RIGI: variants seen among roughly 807,000 people sequenced by gnomAD.
The protein encoded by RIGI is antiviral innate immune response receptor RIG-I.
the RIGI span, among the ~76,000 whole-genome samples, chr9:32,513,915 G>T: frequency 6.6e-6 from 1 of 152,138 alleles, no homozygotes; most frequent in African/African-American, 2.4e-5. Flanking sequence ...GTGGGTGCAG[G>T]ATATGAGCAG....
At chr9:32,473,001 C>T in the RIGI span, 1 of 1,610,022 alleles carries the variant, frequency 6.2e-7, no homozygotes, top group Non-Finnish European at 8.5e-7. Context: ...TTTGCCACGT[C>T]CAGTCAATAT....
the RIGI span, among the ~76,000 whole-genome samples, chr9:32,476,189 AG>A: frequency 3.3e-5 from 5 of 152,342 alleles, no homozygotes; most frequent in African/African-American, 1.2e-4. Flanking sequence ...TTGCTCTACA[AG>A]TATCAATACT....
At chr9:32,481,238 C>G in the RIGI span, 1 of 1,189,538 alleles carries the variant, frequency 8.4e-7, no homozygotes, top group Non-Finnish European at 1.2e-6. Context: ...CCTAAGTGAG[C>G]TCTTGAGGAC....
chr9:32,520,505 T>G, the RIGI span, among the ~76,000 whole-genome samples: 1 of 152,152 alleles, frequency 6.6e-6, no homozygotes, highest in Non-Finnish European at 1.5e-5. Flanking sequence ...AAATGAAGCC[T>G]CGTCTTCAGA....
the RIGI span, among the ~76,000 whole-genome samples, chr9:32,504,588 G>A: frequency 3.3e-5 from 5 of 151,586 alleles, no homozygotes; most frequent in Admixed American, 2.0e-4. Context: ...TGAGGCAGGA[G>A]AATCGCTTGA....
the RIGI span, among the ~76,000 whole-genome samples, chr9:32,459,965 C>T: frequency 6.6e-6 from 1 of 150,766 alleles, no homozygotes; most frequent in Admixed American, 6.6e-5. Context: ...TGTGTCCTCA[C>T]CCAAATCTCA....
chr9:32,486,496 A>G, the RIGI span, among the ~76,000 whole-genome samples: 2 of 151,634 alleles, frequency 1.3e-5, no homozygotes, highest in South Asian at 4.2e-4. Context: ...GCAAAGTGTC[A>G]CAAAACACAG....
chr9:32,511,697 C>T, the RIGI span, among the ~76,000 whole-genome samples: 1 of 152,130 alleles, frequency 6.6e-6, no homozygotes, highest in South Asian at 2.1e-4. Context: ...CAAACAAATT[C>T]AAAAGCTAGC....
At chr9:32,485,306 A>G in the RIGI span, 1 of 1,448,768 alleles carries the variant, frequency 6.9e-7, no homozygotes, top group Non-Finnish European at 9.5e-7. Flanking sequence ...AAAAAGAAAA[A>G]GAAAAAAAGA....
At chr9:32,480,404 C>G in the RIGI span, 1 of 1,502,356 alleles carries the variant, frequency 6.7e-7, no homozygotes, top group Non-Finnish European at 9.0e-7. Context: ...CTAACACATT[C>G]ACTGTATTTA....
chr9:32,462,888 G>C, the RIGI span, among the ~76,000 whole-genome samples: 1 of 152,176 alleles, frequency 6.6e-6, no homozygotes, highest in Non-Finnish European at 1.5e-5. Context: ...GGGCACAGTA[G>C]CTCACGCCTG....
chr9:32,487,851 G>C, the RIGI span: 82 of 1,453,052 alleles, frequency 5.6e-5, no homozygotes, highest in Non-Finnish European at 6.8e-5. Flanking sequence ...CTTGGGACCT[G>C]AGAAGGACAT....
the RIGI span, among the ~76,000 whole-genome samples, chr9:32,499,464 T>G: frequency 1.3e-5 from 2 of 152,006 alleles, no homozygotes; most frequent in Admixed American, 1.3e-4. Flanking sequence ...TTTATTTATT[T>G]ATTTAAATTT....
At chr9:32,470,064 C>G in the RIGI span, among the ~76,000 whole-genome samples, 1 of 152,174 alleles carries the variant, frequency 6.6e-6, no homozygotes, top group Non-Finnish European at 1.5e-5. Flanking sequence ...GCTTAAAAAT[C>G]AATCTCTAAA....
the RIGI span, among the ~76,000 whole-genome samples, chr9:32,514,927 C>T: frequency 6.6e-6 from 1 of 151,848 alleles, no homozygotes; most frequent in Admixed American, 6.6e-5. Flanking sequence ...TATATGAGAC[C>T]CCACATATAT....
chr9:32,492,464 G>C, the RIGI span: 1 of 1,614,016 alleles, frequency 6.2e-7, no homozygotes, highest in Non-Finnish European at 8.5e-7. Flanking sequence ...TTTTGGGCCA[G>C]TTTTCCTTGT....
At chr9:32,483,995 G>A in the RIGI span, among the ~76,000 whole-genome samples, 38 of 152,112 alleles carry the variant, frequency 2.5e-4, no homozygotes, top group Non-Finnish European at 5.6e-4. Flanking sequence ...GGTTCATGCT[G>A]TATTCCCATC....
the RIGI span, chr9:32,526,021 A>G: frequency 3.9e-5 from 57 of 1,473,044 alleles, no homozygotes; most frequent in Non-Finnish European, 5.1e-5. Context: ...ACAAGTCCTC[A>G]ATTGTTTTCC....
At chr9:32,469,034 T>C in the RIGI span, among the ~76,000 whole-genome samples, 1 of 152,206 alleles carries the variant, frequency 6.6e-6, no homozygotes, top group African/African-American at 2.4e-5. Context: ...GTTCTTGTTA[T>C]TTCTCATCAA....
Sources: allele counts gnomAD v4.1 joint callset (sites outside exome capture counted in the v4.1 genomes callset), GRCh38; gene constraint gnomAD v4.1.1; transcripts MANE v1.5; gene names NCBI Gene and HGNC (gene_info 2026-07-23, HGNC 2026-07-21).